Variants in COP1 observed in about 807,000 individuals in gnomAD.
COP1 encodes E3 ubiquitin-protein ligase COP1.
A neutral mutation model predicts 101.3 loss-of-function variants in COP1; 24 were observed. That is an observed-to-expected ratio of 0.24 (90% CI 0.17 to 0.33). The LOEUF is 0.33. Ranked by LOEUF, COP1 falls within the 10% of genes least tolerant of loss-of-function variation. The pLI is 1.00. For missense variants in COP1, 663 were observed against 906.2 expected, an observed-to-expected ratio of 0.73 and a Z score of 3.45; for synonymous variants, 347 against 341.9, an observed-to-expected ratio of 1.01 and a Z score of -0.17.
At chr1:175,995,528 G>T (rs1659917026) in intron 15 of COP1, among the ~76,000 whole-genome samples, 1 of 151,894 alleles carries the variant, frequency 6.6e-6, no homozygotes, top group South Asian at 2.1e-4. Flanking sequence ...AAAGAGAGAA[G>T]AATCAAATAG....
At chr1:175,992,172 T>C (rs1571454732) in intron 15 of COP1, among the ~76,000 whole-genome samples, 1 of 152,214 alleles carries the variant, frequency 6.6e-6, no homozygotes. Flanking sequence ...AATCACATCA[T>C]GGAGAATGGC....
At chr1:176,205,713 T>C (rs908907303) in intron 1 of COP1, among the ~76,000 whole-genome samples, 11 of 152,246 alleles carry the variant, frequency 7.2e-5, no homozygotes, top group Non-Finnish European at 1.6e-4. Context: ...TTTCACTTCA[T>C]ATGACTAACC....
At chr1:176,123,386 C>G (rs1687463491) in intron 8 of COP1, among the ~76,000 whole-genome samples, 3 of 152,230 alleles carry the variant, frequency 2.0e-5, no homozygotes, top group Non-Finnish European at 4.4e-5. Flanking sequence ...GCAAGTTTTA[C>G]CATGTGCAGC....
intron 8 of COP1, among the ~76,000 whole-genome samples, chr1:176,129,289 G>C (rs557133391): frequency 6.6e-6 from 1 of 151,730 alleles, no homozygotes; most frequent in East Asian, 1.9e-4. Flanking sequence ...ACAAATAAAA[G>C]GTATGTCTCA....
chr1:175,972,661 T>C (rs377612465), intron 18 of COP1, among the ~76,000 whole-genome samples: 2 of 151,844 alleles, frequency 1.3e-5, no homozygotes, highest in South Asian at 2.1e-4. Context: ...AGACGGGGTT[T>C]CACCATGTTG....
At chr1:176,173,861 G>A (rs962378730) in intron 3 of COP1, among the ~76,000 whole-genome samples, 6 of 150,914 alleles carry the variant, frequency 4.0e-5, no homozygotes, top group Admixed American at 2.6e-4. Context: ...AGTGGCGCAC[G>A]TCTGTGATTC....
At chr1:176,205,466 C>T (rs1460027894) in intron 1 of COP1, among the ~76,000 whole-genome samples, 1 of 152,186 alleles carries the variant, frequency 6.6e-6, no homozygotes, top group Admixed American at 6.5e-5. Context: ...TATTTAATAA[C>T]ACCAACTCAG....
intron 1 of COP1, among the ~76,000 whole-genome samples, chr1:176,196,099 T>G (rs1342753822): frequency 6.6e-6 from 1 of 152,146 alleles, no homozygotes. Context: ...GATTGAAAAT[T>G]TGAAGATACA....
chr1:176,044,517 T>G (rs1671176176), intron 12 of COP1, among the ~76,000 whole-genome samples: 1 of 152,222 alleles, frequency 6.6e-6, no homozygotes, highest in Non-Finnish European at 1.5e-5. Flanking sequence ...CAAGGTCTTT[T>G]GCTTTCTACT....
intron 9 of COP1, among the ~76,000 whole-genome samples, chr1:176,112,097 A>G (rs1685388418): frequency 6.6e-6 from 1 of 151,994 alleles, no homozygotes; most frequent in Non-Finnish European, 1.5e-5. Flanking sequence ...GTGTGAGGAG[A>G]GCAATATAGC....
chr1:176,078,828 A>T (rs567579572), intron 11 of COP1, among the ~76,000 whole-genome samples: 1 of 152,196 alleles, frequency 6.6e-6, no homozygotes, highest in Non-Finnish European at 1.5e-5. Context: ...CCAATAAAAA[A>T]TGAGAAGACA....
intron 15 of COP1, among the ~76,000 whole-genome samples, chr1:176,001,497 C>G (rs549605793): frequency 1.3e-5 from 2 of 152,000 alleles, no homozygotes; most frequent in African/African-American, 4.8e-5. Flanking sequence ...TGATATACTA[C>G]AGTGATGTAA....
At chr1:176,132,097 C>T (rs1174179617) in intron 8 of COP1, among the ~76,000 whole-genome samples, 1 of 151,638 alleles carries the variant, frequency 6.6e-6, no homozygotes, top group Non-Finnish European at 1.5e-5. Flanking sequence ...TGCAAACCAA[C>T]ATCTCCTCTC....
At chr1:175,993,492 T>C (rs1419183395) in intron 15 of COP1, among the ~76,000 whole-genome samples, 1 of 152,060 alleles carries the variant, frequency 6.6e-6, no homozygotes, top group Non-Finnish European at 1.5e-5. Flanking sequence ...GTTGAAAACT[T>C]TGAAAAAAAT....
chr1:175,949,291 C>G (rs755463756), intron 18 of COP1, among the ~76,000 whole-genome samples: 1 of 7,444 alleles, frequency 1.3e-4, no homozygotes, highest in African/African-American at 6.5e-4. Flanking sequence ...CTTCCATATT[C>G]GGGGTGGGGG....
intron 15 of COP1, among the ~76,000 whole-genome samples, chr1:175,992,345 C>T (rs1362667546): frequency 6.6e-6 from 1 of 152,216 alleles, no homozygotes; most frequent in Non-Finnish European, 1.5e-5. Context: ...TTTTGCATTT[C>T]CATCTGAGGT....
chr1:176,042,939 G>A (rs1397694316), intron 14 of COP1, among the ~76,000 whole-genome samples: 4 of 151,900 alleles, frequency 2.6e-5, no homozygotes, highest in Non-Finnish European at 5.9e-5. Context: ...TGAGGCAGGA[G>A]AATCGCTTGA....
At chr1:176,002,914 T>C (rs1325334982) in intron 15 of COP1, among the ~76,000 whole-genome samples, 4 of 150,388 alleles carry the variant, frequency 2.7e-5, no homozygotes, top group Admixed American at 6.6e-5. Context: ...TAGTTCTAGA[T>C]CCCTGAGGAA....
chr1:176,050,588 G>A (rs1025653453), intron 11 of COP1, among the ~76,000 whole-genome samples: 2 of 152,032 alleles, frequency 1.3e-5, no homozygotes, highest in Non-Finnish European at 2.9e-5. Context: ...CAAAATATAC[G>A]TTTAGAAACT....
Sources: allele counts gnomAD v4.1 joint callset (sites outside exome capture counted in the v4.1 genomes callset), GRCh38; gene constraint gnomAD v4.1.1; transcripts MANE v1.5; gene names NCBI Gene and HGNC (gene_info 2026-07-23, HGNC 2026-07-21).